Variants in DNAH3 observed in about 807,000 individuals in gnomAD.
DNAH3 encodes the protein dynein axonemal heavy chain 3, also known as axonemal beta dynein heavy chain 3.
DNAH3 carries 332 observed loss-of-function variants against 432.5 expected under a neutral mutation model. The ratio of observed to expected loss-of-function variants is 0.77; its 90% CI spans 0.70 to 0.84. The LOEUF (loss-of-function observed/expected upper bound fraction) is 0.84, where lower values mean the gene tolerates loss of function less well. Ranked by LOEUF, DNAH3 falls within the 40% of genes least tolerant of loss-of-function variation. DNAH3 has a pLI of 0.00. For missense variants in DNAH3, 4,861 were observed against 5,114.0 expected (o/e 0.95, Z 1.51); for synonymous variants, 1,956 against 1,900.2 (o/e 1.03, Z -0.76).
chr16:20,975,199 A>G (rs1249160020), intron 51 of DNAH3, 34 bp downstream of exon 51: 1 of 1,608,860 alleles, frequency 6.2e-7, no homozygotes, highest in African/African-American at 1.3e-5. Context: ...ATTCGGCAGC[A>G]CCAGTTCCCT....
exon 53 of DNAH3, chr16:20,964,421 T>A (rs1567540228): frequency 6.2e-7 from 1 of 1,614,208 alleles, no homozygotes. Flanking sequence ...CCCAGCCTCA[T>A]GTACTCAACT....
At chr16:21,079,448 A>T (rs1597329159) in intron 20 of DNAH3, among the ~76,000 whole-genome samples, 1 of 152,002 alleles carries the variant, frequency 6.6e-6, no homozygotes, top group African/African-American at 2.4e-5. Context: ...ACATGATGAA[A>T]CCCCATCTCT....
At chr16:21,130,333 G>T (rs1464777700) in intron 7 of DNAH3, among the ~76,000 whole-genome samples, 5 of 148,072 alleles carry the variant, frequency 3.4e-5, no homozygotes, top group Non-Finnish European at 5.9e-5. Context: ...TTGAGACAGG[G>T]TCTCACTCTG....
In DNAH3 at chr16:20,954,986, T is replaced by C. The variant is rs201390748; in HGVS notation, c.10898A>G (p.Asn3633Ser). The C allele has an allele frequency of 1.2e-4, 199 of 1,614,200 alleles. 2 individuals carry two copies. The highest frequency in any genetic ancestry group is 1.2e-3 in the South Asian group (112 of 91,078). ...GGCCCGGAGCCCTTTGGGGGGCTCATTGGTCATTTTGATTCCATTCTGGAG... is the reference window on the plus strand; with the variant it reads ...GGCCCGGAGCCCTTTGGGGGGCTCACTGGTCATTTTGATTCCATTCTGGAG... The change falls in exon 55 of 62, where the codon AAT becomes AGT. Residue 3633 changes from asparagine to serine, a missense_variant. Asn to Ser is a conservative substitution (Grantham distance 46). Coordinates refer to ENST00000261383, the Ensembl canonical transcript of DNAH3.
At chr16:20,995,361 G>A (rs2086719280) in intron 44 of DNAH3, among the ~76,000 whole-genome samples, 1 of 152,056 alleles carries the variant, frequency 6.6e-6, no homozygotes, top group African/African-American at 2.4e-5. Context: ...TGCCTCCCAG[G>A]TTCAAGCAAT....
In DNAH3 at chr16:21,069,409, A is replaced by G. The variant is rs986965209; in HGVS notation, c.3381+6T>C. 35 of 1,612,364 alleles carry G rather than the reference A, an allele frequency of 2.2e-5. No homozygotes were observed. Among genetic ancestry groups the G allele is most frequent in the Non-Finnish European group, 2.7e-5 (32 of 1,179,318 alleles). On this transcript the variant is annotated splice_donor_region_variant and intron_variant, in intron 23 of 61. Transcript: ENST00000261383. The stretch of plus-strand genomic sequence containing the variant: ...TGGTAAGAGTTATTAGGGTATAAAA[A>G]CTTACCGCTTGGGACATAAGTGATT...
At chr16:21,144,282 A>G (rs1056263390) in intron 3 of DNAH3, among the ~76,000 whole-genome samples, 1 of 152,126 alleles carries the variant, frequency 6.6e-6, no homozygotes, top group Non-Finnish European at 1.5e-5. Context: ...TGTCACTTCC[A>G]AGATTAAGTT....
intron 1 of DNAH3, among the ~76,000 whole-genome samples, chr16:21,156,544 T>C (rs2092898657): frequency 6.6e-6 from 1 of 152,190 alleles, no homozygotes. Flanking sequence ...ATAAGGGCAC[T>C]AATCCCATTT....
chr16:21,039,513 C>A (rs987548572), intron 33 of DNAH3, among the ~76,000 whole-genome samples: 2 of 152,022 alleles, frequency 1.3e-5, no homozygotes, highest in African/African-American at 4.8e-5. Flanking sequence ...CCACCACACC[C>A]GGCCTTATAC....
At chr16:21,138,115 G>A (rs1437884817) in intron 5 of DNAH3, among the ~76,000 whole-genome samples, 1 of 151,962 alleles carries the variant, frequency 6.6e-6, no homozygotes, top group Non-Finnish European at 1.5e-5. Flanking sequence ...AGGTGGGGTG[G>A]TGCATACCTG....
At chr16:21,134,498 G>GCACAACCC in intron 6 of DNAH3, 44 bp from the exon 8 acceptor site, 1 of 1,557,812 alleles carries the variant, frequency 6.4e-7, no homozygotes, top group Non-Finnish European at 8.7e-7. Context: ...AGCTCTAAGG[G>GCACAACCC]TTGTGCTCTT....
chr16:20,999,069 C>G (rs1177817686), intron 43 of DNAH3, among the ~76,000 whole-genome samples: 1 of 152,074 alleles, frequency 6.6e-6, no homozygotes, highest in Admixed American at 6.5e-5. Flanking sequence ...ACCTGGGTAA[C>G]AAAGCAAGAC....
rs186310383 is a variant in DNAH3, at chr16:20,983,612, C to A, written c.7666-698G>T. On this transcript the variant is annotated intron_variant, in intron 48 of 61. Transcript: ENST00000261383. ...GCTTGTTTCTGATCCCATCTCTGGC[C>A]AATAACAAATTTTGGGTTCCACACT... is the stretch of plus-strand genomic sequence containing the variant. Among the ~76,000 whole-genome samples, 10 of 152,010 alleles carry A rather than the reference C, an allele frequency of 6.6e-5. No homozygotes were observed. The East Asian group carries it at 1.9e-3, about 29-fold the overall frequency.
intron 7 of DNAH3, chr16:21,129,288 C>T (rs2092508145): frequency 6.5e-6 from 1 of 152,950 alleles, no homozygotes; most frequent in African/African-American, 2.4e-5. Context: ...TACTCATCCC[C>T]TCGACTTCTA....
At chr16:20,998,717 G>C (rs1220488111) in intron 43 of DNAH3, among the ~76,000 whole-genome samples, 1 of 142,072 alleles carries the variant, frequency 7.0e-6, no homozygotes, top group East Asian at 2.2e-4. Flanking sequence ...ACTCCAGCCT[G>C]GGGGACAAAG....
chr16:20,980,086 T>TAGAAATGA lies in DNAH3; in HGVS notation c.7860-541_7860-540insTCATTTCT, dbSNP rs2085788459. 2.6e-5 allele frequency among the ~76,000 whole-genome samples: 4 copies of TAGAAATGA among 150,966 alleles called. No individual in the cohort carries two copies. In the Admixed American group the frequency reaches 2.7e-4, roughly 10 times the overall value. ...TTGATCAAGTCATTTCTATCACTGA[T>TAGAAATGA]CCCTTTGATGAATCACCAGGGCTTA... On this transcript the variant is annotated intron_variant, in intron 49 of 61. Coordinates refer to ENST00000261383, the Ensembl canonical transcript of DNAH3.
In DNAH3 at chr16:21,027,141, G is replaced by C; in HGVS notation, c.5440-14C>G. 1 of 1,579,744 alleles carries C rather than the reference G, an allele frequency of 6.3e-7. No homozygotes were observed. Among genetic ancestry groups the C allele is most frequent in the Non-Finnish European group, 8.7e-7 (1 of 1,149,054 alleles). On this transcript the variant is annotated splice_polypyrimidine_tract_variant and intron_variant, in intron 37 of 61. Coordinates refer to ENST00000261383, the Ensembl canonical transcript of DNAH3. ...CATGAGACACAGCTAAAAGTGCAAA[G>C]CAGAGGGTAGCAGACAGGGGAAAGG...
chr16:21,030,491 A>G (rs1018090969), intron 37 of DNAH3, among the ~76,000 whole-genome samples: 1 of 152,208 alleles, frequency 6.6e-6, no homozygotes, highest in Non-Finnish European at 1.5e-5. Context: ...CGGATTTTCT[A>G]GCCTGAGCTG....
At chr16:20,941,604 A>C in intron 58 of DNAH3, 61 bp from the exon 59 acceptor site, 1 of 1,592,174 alleles carries the variant, frequency 6.3e-7, no homozygotes, top group Non-Finnish European at 8.5e-7. Flanking sequence ...GTGGCTTTGG[A>C]TAAACTTTAA....
Sources: allele counts gnomAD v4.1 joint callset (sites outside exome capture counted in the v4.1 genomes callset), GRCh38; gene constraint gnomAD v4.1.1; transcripts MANE v1.5; gene names NCBI Gene and HGNC (gene_info 2026-07-23, HGNC 2026-07-21).